Variants in CD1B observed in about 807,000 individuals in gnomAD.
CD1B encodes CD1b molecule.
CD1B carries 43 observed loss-of-function variants against 39.8 expected under a neutral mutation model. The observed-to-expected ratio is 1.08, with a 90% CI of 0.85 to 1.39. The LOEUF (loss-of-function observed/expected upper bound fraction) is 1.39, where lower values mean the gene tolerates loss of function less well. Ranked by LOEUF, CD1B falls within the 40% of genes most tolerant of loss-of-function variation. The pLI is 0.00. For missense variants in CD1B, 495 were observed against 403.8 expected, an observed-to-expected ratio of 1.23 and a Z score of -1.94; for synonymous variants, 192 against 152.5, an observed-to-expected ratio of 1.26 and a Z score of -1.91.
chr1:158,288,855 A>C, the CD1B span, among the ~76,000 whole-genome samples: 3 of 152,246 alleles, frequency 2.0e-5, no homozygotes, highest in Non-Finnish European at 4.4e-5. Flanking sequence ...TAAGTCACTG[A>C]ATACTTCATA....
At chr1:158,319,202 C>T in the CD1B span, among the ~76,000 whole-genome samples, 8 of 151,026 alleles carry the variant, frequency 5.3e-5, no homozygotes, top group East Asian at 1.9e-4. Flanking sequence ...TGAATCTGAA[C>T]GTTGGCCTGC....
chr1:158,297,794 G>A, the CD1B span, among the ~76,000 whole-genome samples: 3 of 152,004 alleles, frequency 2.0e-5, no homozygotes, highest in African/African-American at 7.3e-5. Context: ...AATTAGCTAA[G>A]AATGGTGGCA....
the CD1B span, among the ~76,000 whole-genome samples, chr1:158,322,942 G>A: frequency 8.5e-5 from 13 of 152,156 alleles, no homozygotes; most frequent in South Asian, 1.0e-3. Flanking sequence ...TTTTTATTTC[G>A]AGAGTCAAAG....
At chr1:158,320,166 T>G in the CD1B span, among the ~76,000 whole-genome samples, 1 of 152,246 alleles carries the variant, frequency 6.6e-6, no homozygotes, top group African/African-American at 2.4e-5. Context: ...CAGGCCTCCT[T>G]GAGCTGTGGT....
the CD1B span, among the ~76,000 whole-genome samples, chr1:158,314,642 G>T: frequency 3.3e-5 from 5 of 150,600 alleles, no homozygotes; most frequent in African/African-American, 7.3e-5. Context: ...GTTTTGTTTT[G>T]TTTTTTTTAT....
the CD1B span, among the ~76,000 whole-genome samples, chr1:158,311,012 T>C: frequency 2.0e-5 from 3 of 152,098 alleles, no homozygotes; most frequent in African/African-American, 7.2e-5. Flanking sequence ...AACATGCAAT[T>C]TACCCATGTA....
At chr1:158,317,184 G>A in the CD1B span, among the ~76,000 whole-genome samples, 1 of 151,906 alleles carries the variant, frequency 6.6e-6, no homozygotes, top group Non-Finnish European at 1.5e-5. Flanking sequence ...CATAAAATGA[G>A]TTAGGGAGGA....
intron 4 of CD1B, 114 bp downstream of exon 4, chr1:158,329,256 A>G (rs564613769): frequency 1.5e-6 from 2 of 1,322,444 alleles, no homozygotes; most frequent in Admixed American, 2.5e-5. Flanking sequence ...AGGGAAATCA[A>G]TCAATCAATC....
At chr1:158,308,039 C>A in the CD1B span, among the ~76,000 whole-genome samples, 1 of 152,152 alleles carries the variant, frequency 6.6e-6, no homozygotes, top group Admixed American at 6.5e-5. Flanking sequence ...AAGAGGAAGT[C>A]AAATTGTCCC....
the CD1B span, among the ~76,000 whole-genome samples, chr1:158,306,571 C>G: frequency 0.088 from 13,459 of 152,130 alleles, 1,181 homozygotes; most frequent in African/African-American, 0.21. Context: ...AGCTCTGCAC[C>G]AAGTGGACCT....
intron 5 of CD1B, 78 bp downstream of exon 5, chr1:158,328,843 G>A: frequency 9.8e-7 from 1 of 1,021,036 alleles, no homozygotes; most frequent in Non-Finnish European, 1.4e-6. Context: ...TTTTTAAATA[G>A]ATAAAATGGT....
Position 158,328,990 on chromosome 1 carries a change from A to T in CD1B, c.911T>A (p.Ile304Asn). The T allele has an allele frequency of 1.2e-6, 2 of 1,613,956 alleles. No individual in the cohort carries two copies. The highest frequency in any genetic ancestry group is 1.7e-6 in the Non-Finnish European group (2 of 1,179,908). Residue 304 changes from isoleucine to asparagine, a missense_variant, in exon 5 of 6, where the codon ATT becomes AAT. Coordinates refer to ENST00000368168, the MANE Select transcript of CD1B (RefSeq NM_001764.3). ...YWRNPTSIGS[I>N]VLAIIVPSLL... ...GGAAGGCACTATTATTGCCAAAACAATTGAGCCAATGGAGGTGGGGTTTCC... is the reference window on the plus strand; with the variant it reads ...GGAAGGCACTATTATTGCCAAAACATTTGAGCCAATGGAGGTGGGGTTTCC...
At chr1:158,298,274 T>G in the CD1B span, among the ~76,000 whole-genome samples, 1 of 152,164 alleles carries the variant, frequency 6.6e-6, no homozygotes, top group African/African-American at 2.4e-5. Flanking sequence ...CAAAGAAGCT[T>G]ATGTTATCAT....
the CD1B span, chr1:158,292,244 T>C: frequency 5.3e-5 from 86 of 1,614,076 alleles, no homozygotes; most frequent in Non-Finnish European, 6.8e-5. Flanking sequence ...AAAGTGTCTG[T>C]CATCTACTCA....
At chr1:158,298,503 C>A in the CD1B span, among the ~76,000 whole-genome samples, 2 of 152,258 alleles carry the variant, frequency 1.3e-5, no homozygotes, top group South Asian at 2.1e-4. Flanking sequence ...AATGTGGGCT[C>A]TTTTTGATTT....
At chr1:158,320,014 C>T in the CD1B span, among the ~76,000 whole-genome samples, 110 of 152,324 alleles carry the variant, frequency 7.2e-4, 3 homozygotes, top group South Asian at 0.022. Flanking sequence ...AGGCAGTCTG[C>T]CCGTTCTCAG....
the CD1B span, among the ~76,000 whole-genome samples, chr1:158,305,330 G>A: frequency 6.6e-6 from 1 of 152,234 alleles, no homozygotes; most frequent in South Asian, 2.1e-4. Flanking sequence ...GGAAGAAAGG[G>A]TATCAGTGAT....
the CD1B span, among the ~76,000 whole-genome samples, chr1:158,306,263 A>G: frequency 6.6e-6 from 1 of 152,170 alleles, no homozygotes. Flanking sequence ...AAACAAAAAA[A>G]GGCAGTGGTT....
At chr1:158,321,300 AT>A in the CD1B span, among the ~76,000 whole-genome samples, 2 of 152,118 alleles carry the variant, frequency 1.3e-5, no homozygotes, top group African/African-American at 4.8e-5. Flanking sequence ...CTTAAAGTCT[AT>A]TATGTCTGAT....
Sources: allele counts gnomAD v4.1 joint callset (sites outside exome capture counted in the v4.1 genomes callset), GRCh38; gene constraint gnomAD v4.1.1; transcripts MANE v1.5; gene names NCBI Gene and HGNC (gene_info 2026-07-23, HGNC 2026-07-21).